The following PXDNL variants were observed in gnomAD, a reference collection of about 807,000 sequenced individuals.
PXDNL encodes probable oxidoreductase PXDNL.
A neutral mutation model predicts 150.8 loss-of-function variants in PXDNL; 145 were observed. The observed-to-expected ratio is 0.96, with a 90% CI of 0.84 to 1.10. The LOEUF is 1.10. PXDNL is among the 50% of genes least tolerant of loss of function. The pLI, the probability that PXDNL is intolerant of heterozygous loss-of-function variation, is 0.00. For synonymous variants in PXDNL, 757 were observed against 725.7 expected (o/e 1.04, Z -0.69); for missense variants, 2,087 against 1,873.9 (o/e 1.11, Z -2.10).
At chr8:51,590,679 C>T (rs572601219) in intron 3 of PXDNL, among the ~76,000 whole-genome samples, 1 of 152,126 alleles carries the variant, frequency 6.6e-6, no homozygotes, top group African/African-American at 2.4e-5. Context: ...ATGGGAATGT[C>T]TATCACATGC....
intron 21 of PXDNL, among the ~76,000 whole-genome samples, chr8:51,322,275 G>A (rs1403216340): frequency 6.6e-6 from 1 of 152,088 alleles, no homozygotes; most frequent in Admixed American, 6.6e-5. Context: ...AGCTGTGAGA[G>A]ATGACCATGT....
At chr8:51,367,562 T>C (rs1427972069) in intron 19 of PXDNL, among the ~76,000 whole-genome samples, 1 of 152,182 alleles carries the variant, frequency 6.6e-6, no homozygotes, top group Admixed American at 6.6e-5. Context: ...GCAACTTTAC[T>C]TTGGGAATTC....
intron 1 of PXDNL, among the ~76,000 whole-genome samples, chr8:51,664,566 A>T (rs1015258398): frequency 6.6e-6 from 1 of 152,208 alleles, no homozygotes; most frequent in Non-Finnish European, 1.5e-5. Context: ...GCATGAAGAC[A>T]GAAAATGATG....
chr8:51,336,909 T>C (rs1805845820), intron 21 of PXDNL, among the ~76,000 whole-genome samples: 1 of 152,182 alleles, frequency 6.6e-6, no homozygotes, highest in Admixed American at 6.5e-5. Flanking sequence ...TTGAACCGTG[T>C]CCAGCCTGTC....
intron 15 of PXDNL, among the ~76,000 whole-genome samples, chr8:51,412,035 T>C (rs530401096): frequency 6.6e-6 from 1 of 152,334 alleles, no homozygotes. Flanking sequence ...CTATTATTTA[T>C]CTTGTATCCC....
chr8:51,605,150 C>G (rs1813814330), intron 2 of PXDNL, among the ~76,000 whole-genome samples: 1 of 151,816 alleles, frequency 6.6e-6, no homozygotes, highest in African/African-American at 2.4e-5. Context: ...AAATATTATT[C>G]TAGGACATAT....
intron 17 of PXDNL, among the ~76,000 whole-genome samples, chr8:51,386,675 A>G (rs545204166): frequency 9.9e-5 from 15 of 151,886 alleles, no homozygotes; most frequent in Non-Finnish European, 1.9e-4. Flanking sequence ...AAATTAGCCA[A>G]GCATGGTGGC....
At chr8:51,497,038 T>C (rs560587674) in intron 5 of PXDNL, among the ~76,000 whole-genome samples, 4 of 152,132 alleles carry the variant, frequency 2.6e-5, no homozygotes, top group South Asian at 2.1e-4. Context: ...CAAACTATAC[T>C]ACAAGGCTAC....
At chr8:51,465,706 G>A (rs767174892) in intron 8 of PXDNL, among the ~76,000 whole-genome samples, 6 of 152,056 alleles carry the variant, frequency 3.9e-5, no homozygotes, top group Non-Finnish European at 8.8e-5. Context: ...AAATTTTCAG[G>A]ATACAAAATC....
At chr8:51,578,665 A>C (rs1049756402) in intron 3 of PXDNL, among the ~76,000 whole-genome samples, 2 of 151,918 alleles carry the variant, frequency 1.3e-5, no homozygotes, top group South Asian at 2.1e-4. Flanking sequence ...CTAACTAAAA[A>C]TTTTGAAAAA....
chr8:51,705,947 G>T (rs1377815795), intron 1 of PXDNL, among the ~76,000 whole-genome samples: 1 of 152,234 alleles, frequency 6.6e-6, no homozygotes, highest in Non-Finnish European at 1.5e-5. Context: ...GAAAGAATAA[G>T]TTAGAAGCAG....
intron 4 of PXDNL, among the ~76,000 whole-genome samples, chr8:51,533,239 C>T (rs534939683): frequency 6.6e-6 from 1 of 152,262 alleles, no homozygotes; most frequent in East Asian, 1.9e-4. Flanking sequence ...CAACCTCTGC[C>T]TCCTGGGTTC....
chr8:51,407,490 T>A (rs1036143441), intron 17 of PXDNL, among the ~76,000 whole-genome samples: 2 of 152,250 alleles, frequency 1.3e-5, no homozygotes, highest in African/African-American at 4.8e-5. Flanking sequence ...TGAGGAACAG[T>A]TGAATCTCAT....
intron 2 of PXDNL, among the ~76,000 whole-genome samples, chr8:51,629,128 G>A (rs897192179): frequency 4.6e-5 from 7 of 151,610 alleles, no homozygotes; most frequent in Admixed American, 1.3e-4. Context: ...AAGAAACCAC[G>A]GCAAAGAGAT....
intron 2 of PXDNL, among the ~76,000 whole-genome samples, chr8:51,599,063 T>C (rs1813635653): frequency 6.6e-6 from 1 of 152,176 alleles, no homozygotes; most frequent in African/African-American, 2.4e-5. Flanking sequence ...TTTGTATATC[T>C]GTAGGATTGG....
chr8:51,784,955 G>A (rs2037447126), intron 1 of PXDNL, among the ~76,000 whole-genome samples: 1 of 152,034 alleles, frequency 6.6e-6, no homozygotes, highest in Non-Finnish European at 1.5e-5. Flanking sequence ...TAATGTAAAT[G>A]CCCCAGAAAG....
intron 1 of PXDNL, among the ~76,000 whole-genome samples, chr8:51,744,723 AAAAGAAAAG>A (rs2036957046): frequency 1.1e-4 from 1 of 8,898 alleles, no homozygotes; most frequent in East Asian, 0.12. Context: ...AGAAAAGAGA[AAAAGAAAAG>A]AAAGAAAGAG....
chr8:51,457,796 G>A, intron 8 of PXDNL, 129 bp from the exon 9 acceptor site: 1 of 592,344 alleles, frequency 1.7e-6, no homozygotes, highest in Non-Finnish European at 2.7e-6. Flanking sequence ...TATTTTATCT[G>A]AATAATTTTA....
intron 14 of PXDNL, among the ~76,000 whole-genome samples, chr8:51,423,035 T>C (rs761205642): frequency 6.6e-6 from 1 of 152,250 alleles, no homozygotes; most frequent in Non-Finnish European, 1.5e-5. Context: ...ATAATCAACC[T>C]GCAGAGGGTT....
Sources: allele counts gnomAD v4.1 joint callset (sites outside exome capture counted in the v4.1 genomes callset), GRCh38; gene constraint gnomAD v4.1.1; transcripts MANE v1.5; gene names NCBI Gene and HGNC (gene_info 2026-07-23, HGNC 2026-07-21).